Variants in DGKB observed in about 807,000 individuals in gnomAD.
DGKB encodes 90 kDa diacylglycerol kinase.
DGKB carries 67 observed loss-of-function variants against 114.3 expected under a neutral mutation model. That is an observed-to-expected ratio of 0.59 (90% CI 0.48 to 0.72). The LOEUF is 0.72. DGKB is among the 30% of genes least tolerant of loss of function. The probability of loss-of-function intolerance (pLI) is 0.00; values close to 1 mark genes in which losing one functional copy is unlikely to be tolerated. For missense variants in DGKB, 907 were observed against 975.2 expected (o/e 0.93, Z 0.93); for synonymous variants, 398 against 323.1 (o/e 1.23, Z -2.49).
chr7:14,499,537 A>G (rs894778388), intron 20 of DGKB, among the ~76,000 whole-genome samples: 7 of 151,788 alleles, frequency 4.6e-5, no homozygotes, highest in African/African-American at 1.7e-4. Context: ...GTTAGAAGGA[A>G]GACATGGCAG....
At chr7:14,621,665 T>C (rs994598186) in intron 14 of DGKB, among the ~76,000 whole-genome samples, 171 bp from the exon 15 acceptor site, 18 of 152,100 alleles carry the variant, frequency 1.2e-4, no homozygotes, top group Non-Finnish European at 2.1e-4. Flanking sequence ...TGGCTCAATA[T>C]ATATGATAGC....
At chr7:14,648,404 G>A (rs1035939885) in intron 13 of DGKB, among the ~76,000 whole-genome samples, 1 of 152,160 alleles carries the variant, frequency 6.6e-6, no homozygotes, top group Non-Finnish European at 1.5e-5. Context: ...TCACAGGGCA[G>A]GGTACTCCAA....
intron 8 of DGKB, among the ~76,000 whole-genome samples, chr7:14,694,438 C>T (rs144547503): frequency 1.6e-4 from 25 of 152,278 alleles, no homozygotes; most frequent in African/African-American, 4.8e-4. Flanking sequence ...TTCCCATGAA[C>T]AGCACAGCTA....
At chr7:14,763,181 G>A (rs984790146) in intron 2 of DGKB, among the ~76,000 whole-genome samples, 2 of 151,664 alleles carry the variant, frequency 1.3e-5, no homozygotes, top group African/African-American at 4.8e-5. Context: ...CAGGAATCCC[G>A]CCAATGTTGA....
intron 23 of DGKB, among the ~76,000 whole-genome samples, chr7:14,320,578 C>T (rs926514075): frequency 1.3e-5 from 2 of 151,206 alleles, no homozygotes; most frequent in Non-Finnish European, 2.9e-5. Flanking sequence ...TATATGTGTA[C>T]ATATATAGTA....
chr7:14,625,137 C>T (rs1563714932), intron 14 of DGKB, among the ~76,000 whole-genome samples: 1 of 151,904 alleles, frequency 6.6e-6, no homozygotes, highest in African/African-American at 2.4e-5. Flanking sequence ...TCAGTGTATC[C>T]ATCTGTCTGT....
chr7:14,189,620 G>C (rs961833579), intron 23 of DGKB, among the ~76,000 whole-genome samples: 1 of 151,888 alleles, frequency 6.6e-6, no homozygotes, highest in Non-Finnish European at 1.5e-5. Flanking sequence ...TGGCTGAATA[G>C]GCAAAATAAA....
chr7:14,963,576 A>G (rs1050542958), intron 1 of DGKB, among the ~76,000 whole-genome samples: 1 of 152,214 alleles, frequency 6.6e-6, no homozygotes, highest in African/African-American at 2.4e-5. Flanking sequence ...CTTAAAAGTA[A>G]ATTCACATTG....
chr7:14,969,179 C>G (rs148399907), intron 1 of DGKB, among the ~76,000 whole-genome samples: 2 of 152,054 alleles, frequency 1.3e-5, no homozygotes, highest in South Asian at 2.1e-4. Context: ...TTTCTAGTAT[C>G]GCAAAAAATT....
chr7:14,929,625 C>A (rs1784904844), intron 1 of DGKB, among the ~76,000 whole-genome samples: 1 of 151,970 alleles, frequency 6.6e-6, no homozygotes, highest in Non-Finnish European at 1.5e-5. Flanking sequence ...GGATATTAGA[C>A]CCTTGTAGAA....
chr7:14,547,210 C>A (rs1794424562), intron 20 of DGKB, among the ~76,000 whole-genome samples: 1 of 152,062 alleles, frequency 6.6e-6, no homozygotes, highest in African/African-American at 2.4e-5. Flanking sequence ...ATTACGTACA[C>A]CTCCACATCC....
chr7:14,827,215 G>A (rs781362889), intron 2 of DGKB, among the ~76,000 whole-genome samples: 1 of 152,050 alleles, frequency 6.6e-6, no homozygotes, highest in Non-Finnish European at 1.5e-5. Context: ...GTGGAATGTG[G>A]ACTGTACAGG....
intron 1 of DGKB, among the ~76,000 whole-genome samples, chr7:14,881,564 CATTT>C (rs1463892836): frequency 1.3e-5 from 2 of 151,982 alleles, no homozygotes; most frequent in Non-Finnish European, 2.9e-5. Context: ...AAGTCATAAA[CATTT>C]ATTAACTTTA....
intron 17 of DGKB, among the ~76,000 whole-genome samples, chr7:14,588,705 A>G (rs553518218): frequency 6.6e-6 from 1 of 152,074 alleles, no homozygotes; most frequent in African/African-American, 2.4e-5. Context: ...AGTCCATGAT[A>G]AGTATTATTT....
chr7:14,699,321 T>A (rs894318532), intron 7 of DGKB, among the ~76,000 whole-genome samples: 32 of 152,186 alleles, frequency 2.1e-4, no homozygotes, highest in African/African-American at 7.7e-4. Flanking sequence ...TTTGCTTACA[T>A]ATGCCTTAAT....
chr7:14,812,842 C>T (rs1162754192), intron 2 of DGKB, among the ~76,000 whole-genome samples: 3 of 152,118 alleles, frequency 2.0e-5, no homozygotes, highest in African/African-American at 7.2e-5. Flanking sequence ...AAATTTAGCC[C>T]TATGAAACTG....
intron 1 of DGKB, among the ~76,000 whole-genome samples, chr7:14,938,095 T>C (rs934658577): frequency 6.6e-6 from 1 of 152,184 alleles, no homozygotes. Flanking sequence ...TGTATATGAA[T>C]ATGTGCATAC....
chr7:14,155,099 C>T (rs559172212), intron 25 of DGKB, among the ~76,000 whole-genome samples: 36 of 151,954 alleles, frequency 2.4e-4, no homozygotes, highest in Non-Finnish European at 5.0e-4. Context: ...ATTTGAGAAG[C>T]CCTAGCCTAT....
chr7:14,642,317 T>A (rs1811958151), intron 13 of DGKB, among the ~76,000 whole-genome samples: 1 of 152,202 alleles, frequency 6.6e-6, no homozygotes, highest in African/African-American at 2.4e-5. Context: ...AAACTTTATG[T>A]ATGGCATTCA....
Sources: allele counts gnomAD v4.1 joint callset (sites outside exome capture counted in the v4.1 genomes callset), GRCh38; gene constraint gnomAD v4.1.1; transcripts MANE v1.5; gene names NCBI Gene and HGNC (gene_info 2026-07-23, HGNC 2026-07-21).